The following CALN1 variants were observed in gnomAD, a reference collection of about 807,000 sequenced individuals.
The protein encoded by CALN1 is calcium-binding protein 8.
A neutral mutation model predicts 30.6 loss-of-function variants in CALN1; 17 were observed. The observed-to-expected ratio is 0.56, with a 90% CI of 0.38 to 0.83. The LOEUF is 0.83. Ranked by LOEUF, CALN1 falls within the 40% of genes least tolerant of loss-of-function variation. The pLI, the probability that CALN1 is intolerant of heterozygous loss-of-function variation, is 0.00. For missense variants in CALN1, 291 were observed against 354.9 expected, an observed-to-expected ratio of 0.82 and a Z score of 1.45; for synonymous variants, 156 against 131.4, an observed-to-expected ratio of 1.19 and a Z score of -1.28.
At chr7:71,881,486 T>C (rs1256148982) in intron 5 of CALN1, among the ~76,000 whole-genome samples, 1 of 152,188 alleles carries the variant, frequency 6.6e-6, no homozygotes, top group African/African-American at 2.4e-5. Context: ...CCATCATCAC[T>C]TCTCTCTAAC....
upstream of CALN1, among the ~76,000 whole-genome samples, chr7:72,448,645 G>A (rs982328787): frequency 6.0e-5 from 9 of 151,144 alleles, no homozygotes; most frequent in Non-Finnish European, 1.2e-4. Context: ...TCACTCTGTT[G>A]CCCAGGCTGG....
At chr7:72,482,733 T>C in the CALN1 span, among the ~76,000 whole-genome samples, 2 of 152,168 alleles carry the variant, frequency 1.3e-5, no homozygotes, top group Non-Finnish European at 2.9e-5. Flanking sequence ...AAAGTCAATA[T>C]CCTTTAAAGA....
chr7:72,312,649 G>C (rs1800133836), intron 2 of CALN1, among the ~76,000 whole-genome samples: 2 of 151,716 alleles, frequency 1.3e-5, no homozygotes, highest in African/African-American at 4.8e-5. Flanking sequence ...AATTCAGAAA[G>C]GACAAGTAAG....
At chr7:72,011,056 G>A (rs915369063) in intron 5 of CALN1, among the ~76,000 whole-genome samples, 7 of 151,638 alleles carry the variant, frequency 4.6e-5, no homozygotes, top group African/African-American at 1.5e-4. Context: ...GGGAGGCTGA[G>A]GCAGGAGAAC....
chr7:72,305,276 G>A (rs551397685), intron 2 of CALN1, among the ~76,000 whole-genome samples: 26 of 152,322 alleles, frequency 1.7e-4, no homozygotes, highest in African/African-American at 5.3e-4. Flanking sequence ...CAAGGATGCC[G>A]GCGCTGGCCT....
At chr7:71,832,435 T>G (rs889717267) in intron 5 of CALN1, among the ~76,000 whole-genome samples, 5 of 152,180 alleles carry the variant, frequency 3.3e-5, no homozygotes, top group Admixed American at 2.0e-4. Context: ...AGCAAATGAA[T>G]GAAGTGTGGA....
At chr7:71,953,938 CAA>C (rs372463315) in intron 5 of CALN1, among the ~76,000 whole-genome samples, 1 of 151,252 alleles carries the variant, frequency 6.6e-6, no homozygotes, top group Admixed American at 6.6e-5. Context: ...GCAGTGTGGA[CAA>C]AAAAAACATG....
intron 2 of CALN1, among the ~76,000 whole-genome samples, chr7:72,293,161 A>G (rs1334330168): frequency 3.3e-5 from 5 of 152,198 alleles, no homozygotes; most frequent in Non-Finnish European, 7.3e-5. Context: ...TAAAACAGCT[A>G]TCTACTAAGT....
At chr7:72,450,007 G>A (rs1808629823), upstream of CALN1, among the ~76,000 whole-genome samples, 1 of 151,898 alleles carries the variant, frequency 6.6e-6, no homozygotes, top group Non-Finnish European at 1.5e-5. Flanking sequence ...GGAGTTTGAG[G>A]CCAGACTAGG....
intron 3 of CALN1, among the ~76,000 whole-genome samples, chr7:72,149,302 T>C (rs375157624): frequency 1.3e-4 from 20 of 151,978 alleles, no homozygotes; most frequent in African/African-American, 4.3e-4. Flanking sequence ...ACCCCGTCTC[T>C]ACTAAAAATA....
At chr7:72,374,548 G>GAAAAAAAAAAAAAAAAAAAAA (rs1804431727) in intron 2 of CALN1, among the ~76,000 whole-genome samples, 1 of 125,678 alleles carries the variant, frequency 8.0e-6, no homozygotes, top group Non-Finnish European at 1.9e-5. Context: ...AAAAAAAAAA[G>GAAAAAAAAAAAAAAAAAAAAA]GAAAAAAAAG....
rs371608021 is a variant in CALN1 at position 72,099,800 on chromosome 7, TG to T, written c.388+6350del. On this transcript the variant is annotated intron_variant, in intron 4 of 6. Transcript: ENST00000395275. ...AATAAATAAATGTGCTTTTACGTGA[TG>T]GGTCACCGTGAAATAGTTGATGACT... Among the ~76,000 whole-genome samples, 496 of 152,360 alleles carry T rather than the reference TG, an allele frequency of 3.3e-3. 4 individuals carry two copies. Among genetic ancestry groups the T allele is most frequent in the African/African-American group, 0.01 (425 of 41,592 alleles).
At chr7:72,304,420 A>AT in intron 2 of CALN1, among the ~76,000 whole-genome samples, 1 of 152,190 alleles carries the variant, frequency 6.6e-6, no homozygotes, top group East Asian at 1.9e-4. Flanking sequence ...GGAAGGGGGG[A>AT]TTGCCTGAGC....
At chr7:72,294,434 T>A (rs1585390522) in intron 2 of CALN1, among the ~76,000 whole-genome samples, 1 of 152,068 alleles carries the variant, frequency 6.6e-6, no homozygotes, top group East Asian at 1.9e-4. Flanking sequence ...CATAGCACTG[T>A]AAAGTAAAAA....
intron 2 of CALN1, among the ~76,000 whole-genome samples, chr7:72,364,058 T>C (rs914314617): frequency 5.4e-5 from 6 of 110,174 alleles, no homozygotes; most frequent in Non-Finnish European, 9.3e-5. Flanking sequence ...TAATTCAAAA[T>C]TGCAGTAAAA....
At chr7:72,075,137 A>T (rs951178415) in intron 4 of CALN1, among the ~76,000 whole-genome samples, 3 of 152,154 alleles carry the variant, frequency 2.0e-5, no homozygotes, top group African/African-American at 7.2e-5. Context: ...GTCAGGCAGG[A>T]GGAGCTCTCT....
intron 3 of CALN1, among the ~76,000 whole-genome samples, chr7:72,184,655 T>C (rs962509383): frequency 1.4e-4 from 22 of 152,210 alleles, no homozygotes; most frequent in Admixed American, 4.6e-4. Flanking sequence ...CTTTTTCCAC[T>C]GCTTCCTACT....
At chr7:72,283,238 T>G (rs139150029) in intron 2 of CALN1, among the ~76,000 whole-genome samples, 2 of 151,442 alleles carry the variant, frequency 1.3e-5, no homozygotes, top group Non-Finnish European at 2.9e-5. Flanking sequence ...TTAAATAAGA[T>G]AAACGGCCAG....
chr7:72,335,538 A>G (rs937528924), intron 2 of CALN1, among the ~76,000 whole-genome samples: 7 of 152,262 alleles, frequency 4.6e-5, no homozygotes, highest in Admixed American at 1.3e-4. Context: ...CTTCCCAGCC[A>G]CACACAGCCG....
Sources: allele counts gnomAD v4.1 joint callset (sites outside exome capture counted in the v4.1 genomes callset), GRCh38; gene constraint gnomAD v4.1.1; transcripts MANE v1.5; gene names NCBI Gene and HGNC (gene_info 2026-07-23, HGNC 2026-07-21).